HYDIN: variants seen among roughly 807,000 people sequenced by gnomAD.
The protein encoded by HYDIN is axonemal central pair apparatus protein HYDIN.
A neutral mutation model predicts 403.9 loss-of-function variants in HYDIN; 132 were observed. The observed-to-expected ratio is 0.33, with a 90% confidence interval of 0.28 to 0.38. The LOEUF (loss-of-function observed/expected upper bound fraction) is 0.38. Among genes scored for constraint, HYDIN ranks in the 10% least tolerant of loss-of-function variants. The pLI is 1.00. For missense variants in HYDIN, 2,827 were observed against 5,009.5 expected, an observed-to-expected ratio of 0.56 and a Z score of 13.15; for synonymous variants, 1,202 against 1,891.7, an observed-to-expected ratio of 0.64 and a Z score of 9.46.
chr16:70,829,874 G>A lies in HYDIN; in HGVS notation c.13900-44C>T, dbSNP rs775126123. 7.6e-6 allele frequency: 12 copies of A among 1,568,966 alleles called. No individual in the cohort carries two copies. In the Admixed American group the frequency reaches 2.0e-4, roughly 26 times the overall value. ...CTCATCTTCCATGGCACTTCCCCCT[G>A]GTCCGTCTCCAGGGCCAGAAGTACA... On this transcript the variant is annotated intron_variant, in intron 80 of 85. Coordinates refer to ENST00000393567, the MANE Select transcript of HYDIN (RefSeq NM_001270974.2).
In HYDIN at chr16:70,885,743, A is replaced by C. The variant is rs539842019; in HGVS notation, c.9775-1619T>G. The stretch of plus-strand genomic sequence containing the variant: ...GAAGATATGGTAGGCAAAGAAGGAA[A>C]AAAAAAATCTGTAGAAGAGATGAGA... On this transcript the variant is annotated intron_variant, in intron 58 of 85. Transcript: ENST00000393567. 3.9e-5 allele frequency among the ~76,000 whole-genome samples: 6 copies of C among 152,290 alleles called. No homozygotes were observed. In the East Asian group the frequency reaches 1.2e-3, roughly 29 times the overall value.
intron 58 of HYDIN, among the ~76,000 whole-genome samples, chr16:70,886,974 A>G (rs1000591035): frequency 4.6e-5 from 7 of 152,060 alleles, no homozygotes; most frequent in Non-Finnish European, 1.0e-4. Flanking sequence ...TATTCCTTTG[A>G]GTATATTTTC....
chr16:70,907,128 A>G (rs9935457), intron 50 of HYDIN, among the ~76,000 whole-genome samples: 5,618 of 152,136 alleles, frequency 0.037, 309 homozygotes, highest in African/African-American at 0.12. Flanking sequence ...CAAACTCTTG[A>G]TCCTACCCTG....
In HYDIN at chr16:70,834,228, G is replaced by A. The variant is rs567534594; in HGVS notation, c.13402-64C>T. 26 of 1,094,072 alleles carry A rather than the reference G, an allele frequency of 2.4e-5. 1 individual carries two copies. The highest frequency in any genetic ancestry group is 6.3e-5 in the African/African-American group (4 of 63,090). The allele number at this position is 1,094,072 out of a possible 1,614,324, so 67.8% of individuals were successfully genotyped here. A position where few individuals can be genotyped will look rare whatever the true frequency, so the allele number is the denominator to read the frequency against. ...GGAGGCCCCTAAGGCCTCGGTTCCC[G>A]GAGTTCTTGCTGCTGCGATTGGAAC... On this transcript the variant is annotated intron_variant, in intron 78 of 85. Transcript: ENST00000393567.
chr16:70,851,008 A>G (rs2038601973), intron 73 of HYDIN, among the ~76,000 whole-genome samples: 1 of 152,084 alleles, frequency 6.6e-6, no homozygotes, highest in Admixed American at 6.5e-5. Context: ...TAGGACCCTT[A>G]CTTTTCACCA....
chr16:70,984,305 T>C (rs2079123791), intron 28 of HYDIN, among the ~76,000 whole-genome samples: 1 of 151,500 alleles, frequency 6.6e-6, no homozygotes, highest in African/African-American at 2.4e-5. Context: ...GGTGGGAGGA[T>C]TGCTTGAGCC....
chr16:70,891,063 C>T (rs1205831263), intron 57 of HYDIN, among the ~76,000 whole-genome samples: 1 of 151,840 alleles, frequency 6.6e-6, no homozygotes, highest in Non-Finnish European at 1.5e-5. Context: ...AGGCAGAAGA[C>T]TGTGTTTGTT....
Position 70,862,085 on chromosome 16 carries a change from A to C in HYDIN, c.11740T>G (p.Leu3914Val). 5 of 1,606,532 alleles carry C rather than the reference A, an allele frequency of 3.1e-6. No homozygotes were observed. Among genetic ancestry groups the C allele is most frequent in the Non-Finnish European group, 4.3e-6 (5 of 1,176,416 alleles). ...TTGCTCTCGAAGTCTCCAATGTCCA[A>C]CGGGGAGAATTTTACTTTGAACTTC... ...IQKFKVKFSP[L>V]DIGDFESNLF... Residue 3914 changes from leucine (L) to valine (V), a missense_variant, in exon 69 of 86, where the codon TTG (leucine) becomes GTG (valine). Coordinates refer to ENST00000393567, the MANE Select transcript of HYDIN (RefSeq NM_001270974.2).
intron 23 of HYDIN, among the ~76,000 whole-genome samples, chr16:71,015,562 AT>A (rs2080229401): frequency 6.6e-6 from 1 of 150,608 alleles, no homozygotes; most frequent in African/African-American, 2.5e-5. Context: ...ACAGAATTTC[AT>A]TCCAAACCCA....
intron 7 of HYDIN, among the ~76,000 whole-genome samples, chr16:71,145,330 C>T (rs1273500664): frequency 2.0e-5 from 3 of 151,926 alleles, no homozygotes; most frequent in Admixed American, 6.6e-5. Flanking sequence ...TCTTGCCTCA[C>T]TGTAACCTCC....
Position 70,850,380 on chromosome 16 carries a change from C to A in HYDIN, c.12651+68G>T. ...GAAGCAGAAAGACTCAGCTCATATT[C>A]ATTTTTACTACTTTCCCCAGTCAGA... On this transcript the variant is annotated intron_variant, in intron 74 of 85. Transcript: ENST00000393567. 3.4e-6 allele frequency: 3 copies of A among 874,356 alleles called. No individual in the cohort carries two copies. The South Asian group carries it at 5.3e-5, about 15-fold the overall frequency. 54.2% of individuals were successfully genotyped at this position (874,356 alleles called of 1,614,324 possible). A position where few individuals can be genotyped will look rare whatever the true frequency, so the allele number is the denominator to read the frequency against.
At chr16:70,976,527 C>A (rs1423349315) in intron 30 of HYDIN, among the ~76,000 whole-genome samples, 3 of 151,116 alleles carry the variant, frequency 2.0e-5, no homozygotes, top group African/African-American at 7.3e-5. Flanking sequence ...CACACACATA[C>A]ACACATGCAT....
At chr16:71,224,655 G>A (rs1309101115) in intron 1 of HYDIN, among the ~76,000 whole-genome samples, 14 of 144,110 alleles carry the variant, frequency 9.7e-5, no homozygotes, top group South Asian at 9.1e-4. Context: ...TCCGCCTCCC[G>A]GGTTCACGCC....
chr16:70,890,079 C>T (rs2041380856), intron 57 of HYDIN, among the ~76,000 whole-genome samples: 1 of 152,198 alleles, frequency 6.6e-6, no homozygotes, highest in Non-Finnish European at 1.5e-5. Context: ...ATAAATTAAG[C>T]TCTTTTCTGT....
At chr16:71,126,590 G>A (rs1477504199) in intron 9 of HYDIN, among the ~76,000 whole-genome samples, 1 of 152,044 alleles carries the variant, frequency 6.6e-6, no homozygotes, top group Non-Finnish European at 1.5e-5. Flanking sequence ...GGAGATCGAG[G>A]CTGATGACTG....
In HYDIN at chr16:71,187,649, A is replaced by AAAAC. The variant is rs528485377; in HGVS notation, c.-23-735_-23-732dup. On this transcript the variant is annotated intron_variant, in intron 1 of 85. Transcript: ENST00000393567. Reference sequence around the variant, plus strand: ...CAAATTAAAAACCCTAAAACCATTAAAAACAAACAAACAAACAAACAAACA... The same window carrying AAAAC: ...CAAATTAAAAACCCTAAAACCATTAAAAACAAACAAACAAACAAACAAACAAACA... Among the ~76,000 whole-genome samples the AAAAC allele has an allele frequency of 8.5e-3, 1,289 of 152,142 alleles. 14 individuals are homozygous for AAAAC. Among genetic ancestry groups the AAAAC allele is most frequent in the African/African-American group, 0.029 (1,208 of 41,514 alleles).
At chr16:71,008,338 G>T (rs1311516648) in intron 23 of HYDIN, among the ~76,000 whole-genome samples, 1 of 152,154 alleles carries the variant, frequency 6.6e-6, no homozygotes, top group Admixed American at 6.5e-5. Flanking sequence ...GATCTGCTGT[G>T]TGGGCTCAGG....
intron 4 of HYDIN, among the ~76,000 whole-genome samples, 180 bp downstream of exon 4, chr16:71,178,748 A>G (rs998605821): frequency 6.6e-6 from 1 of 152,216 alleles, no homozygotes; most frequent in Non-Finnish European, 1.5e-5. Context: ...CTCAACATAT[A>G]GCAACAAACA....
At chr16:71,130,768 G>T (rs200225365) in intron 8 of HYDIN, among the ~76,000 whole-genome samples, 1 of 151,936 alleles carries the variant, frequency 6.6e-6, no homozygotes, top group Non-Finnish European at 1.5e-5. Flanking sequence ...GATTACAGGC[G>T]TGAGCCACCG....
Sources: gnomAD v4.1 joint callset for allele counts (sites outside exome capture counted in the v4.1 genomes callset) on GRCh38, gnomAD v4.1.1 for gene constraint, MANE v1.5 for transcripts, NCBI Gene and HGNC (gene_info 2026-07-23, HGNC 2026-07-21) for gene names.